Variants in NRXN1 observed in about 807,000 individuals in gnomAD.
NRXN1 encodes the protein neurexin-1.
Under a neutral mutation model 150.9 loss-of-function variants are expected in NRXN1, and 39 were observed. The observed-to-expected ratio is 0.26, with a 90% CI of 0.20 to 0.34. The LOEUF (loss-of-function observed/expected upper bound fraction) is 0.34. Ranked by LOEUF, NRXN1 falls within the 10% of genes least tolerant of loss-of-function variation. The probability of loss-of-function intolerance (pLI) is 1.00; values close to 1 mark genes in which losing one functional copy is unlikely to be tolerated. For synonymous variants in NRXN1, 924 were observed against 757.0 expected (o/e 1.22, Z -3.62); for missense variants, 1,815 against 1,949.9 (o/e 0.93, Z 1.30).
intron 17 of NRXN1, among the ~76,000 whole-genome samples, chr2:50,253,886 G>C (rs911825053): frequency 2.7e-5 from 4 of 150,942 alleles, no homozygotes; most frequent in African/African-American, 9.8e-5. Context: ...TTTTTTTGTT[G>C]TATCTCTGGT....
At chr2:50,861,634 T>C (rs1044037695) in intron 5 of NRXN1, among the ~76,000 whole-genome samples, 10 of 152,042 alleles carry the variant, frequency 6.6e-5, no homozygotes, top group Non-Finnish European at 1.5e-4. Flanking sequence ...TCAAACTCTT[T>C]TGGATCTATA....
chr2:49,939,420 C>T (rs1671590487), intron 22 of NRXN1, among the ~76,000 whole-genome samples: 1 of 152,178 alleles, frequency 6.6e-6, no homozygotes, highest in Admixed American at 6.5e-5. Context: ...AATTAGCCCT[C>T]CTCCATCACA....
At chr2:50,210,584 T>A (rs1409802270) in intron 18 of NRXN1, among the ~76,000 whole-genome samples, 3 of 151,744 alleles carry the variant, frequency 2.0e-5, no homozygotes, top group African/African-American at 4.8e-5. Flanking sequence ...TTGATCCATA[T>A]AATAATTTAT....
chr2:50,255,028 G>A (rs1376704033), intron 17 of NRXN1, among the ~76,000 whole-genome samples: 1 of 152,004 alleles, frequency 6.6e-6, no homozygotes, highest in Non-Finnish European at 1.5e-5. Context: ...GGCTAGTCTT[G>A]AATTCCTGGG....
intron 21 of NRXN1, among the ~76,000 whole-genome samples, chr2:49,962,179 C>G (rs17039575): frequency 0.41 from 62,826 of 152,084 alleles, 13,334 homozygotes; most frequent in South Asian, 0.53. Flanking sequence ...CTAAATCTCT[C>G]AGTTTCTTCA....
intron 5 of NRXN1, among the ~76,000 whole-genome samples, chr2:50,628,528 T>C (rs994253183): frequency 2.6e-5 from 4 of 151,686 alleles, no homozygotes; most frequent in Non-Finnish European, 5.9e-5. Context: ...TTTCACAATA[T>C]ATAAGAATAT....
intron 5 of NRXN1, among the ~76,000 whole-genome samples, chr2:50,655,426 T>C (rs1281085558): frequency 6.6e-6 from 1 of 152,034 alleles, no homozygotes; most frequent in African/African-American, 2.4e-5. Context: ...TATACTTTCC[T>C]GTCAGGATGG....
chr2:50,749,240 G>C (rs975831577), intron 5 of NRXN1, among the ~76,000 whole-genome samples: 1 of 152,044 alleles, frequency 6.6e-6, no homozygotes, highest in Non-Finnish European at 1.5e-5. Flanking sequence ...GTCTAAAGAT[G>C]CAGCAAGCTG....
chr2:50,847,769 G>A (rs369116689), intron 5 of NRXN1, among the ~76,000 whole-genome samples: 39 of 152,268 alleles, frequency 2.6e-4, no homozygotes, highest in African/African-American at 8.7e-4. Context: ...AGGTGGAAGA[G>A]CACACCGACA....
chr2:50,403,738 T>C (rs1054320731), intron 17 of NRXN1, among the ~76,000 whole-genome samples: 10 of 152,146 alleles, frequency 6.6e-5, no homozygotes, highest in Admixed American at 5.2e-4. Flanking sequence ...TTTGTATTAA[T>C]ATACACATTT....
At chr2:50,270,560 G>C (rs1018670556) in intron 17 of NRXN1, among the ~76,000 whole-genome samples, 8 of 151,870 alleles carry the variant, frequency 5.3e-5, no homozygotes, top group African/African-American at 1.7e-4. Flanking sequence ...AGAACTATCA[G>C]AATTTTGAAT....
At chr2:50,191,176 A>G (rs2061418211) in intron 18 of NRXN1, among the ~76,000 whole-genome samples, 1 of 149,114 alleles carries the variant, frequency 6.7e-6, no homozygotes, top group Non-Finnish European at 1.5e-5. Flanking sequence ...TTACAGGCAC[A>G]TGCCATCATG....
intron 2 of NRXN1, among the ~76,000 whole-genome samples, chr2:50,996,673 C>T (rs1699335968): frequency 6.6e-6 from 1 of 151,964 alleles, no homozygotes; most frequent in Non-Finnish European, 1.5e-5. Context: ...AGGGAAACCT[C>T]CATATTACAT....
At chr2:50,431,361 A>G (rs13401888) in intron 17 of NRXN1, among the ~76,000 whole-genome samples, 2,095 of 152,096 alleles carry the variant, frequency 0.014, 49 homozygotes, top group African/African-American at 0.048. Context: ...ATACTTTAAA[A>G]ACTCCCTTGG....
intron 5 of NRXN1, among the ~76,000 whole-genome samples, chr2:50,638,620 C>G (rs181250962): frequency 6.6e-6 from 1 of 152,104 alleles, no homozygotes; most frequent in African/African-American, 2.4e-5. Context: ...ATGGATAGGA[C>G]GCATTCCACA....
intron 5 of NRXN1, among the ~76,000 whole-genome samples, chr2:50,837,300 A>C (rs370055947): frequency 6.6e-6 from 1 of 152,148 alleles, no homozygotes; most frequent in African/African-American, 2.4e-5. Context: ...AATACAAGTG[A>C]TATCAATCGT....
At chr2:50,961,444 T>G (rs1644238842) in intron 2 of NRXN1, among the ~76,000 whole-genome samples, 1 of 151,772 alleles carries the variant, frequency 6.6e-6, no homozygotes, top group African/African-American at 2.4e-5. Context: ...ATAATTGTAC[T>G]ATACTGACCA....
At position 50,069,588 on chromosome 2, in the gene NRXN1, T is replaced by C. The variant is rs184875726; in HGVS notation, c.3719-14544A>G. On this transcript the variant is annotated intron_variant, in intron 19 of 22. Coordinates refer to ENST00000401669, the MANE Select transcript of NRXN1 (RefSeq NM_001330078.2). ...TCTCTCTGTTTTTAAAACTAACTTATGGTGCCTTGACAATTTTATGAAGAA... is the reference window on the plus strand; with the variant it reads ...TCTCTCTGTTTTTAAAACTAACTTACGGTGCCTTGACAATTTTATGAAGAA... 6.6e-5 allele frequency among the ~76,000 whole-genome samples: 10 copies of C among 152,248 alleles called. No individual in the cohort carries two copies. In the South Asian group the frequency reaches 8.3e-4, roughly 13 times the overall value.
chr2:50,878,566 T>G (rs1678954874), intron 5 of NRXN1, among the ~76,000 whole-genome samples: 1 of 151,972 alleles, frequency 6.6e-6, no homozygotes, highest in Non-Finnish European at 1.5e-5. Context: ...TCTGTAATTC[T>G]AGAACCCTGG....
Sources: allele counts gnomAD v4.1 joint callset (sites outside exome capture counted in the v4.1 genomes callset), GRCh38; gene constraint gnomAD v4.1.1; transcripts MANE v1.5; gene names NCBI Gene and HGNC (gene_info 2026-07-23, HGNC 2026-07-21).